Variants in GRIN2A observed in about 807,000 individuals in gnomAD.
The protein encoded by GRIN2A is glutamate receptor ionotropic, NMDA 2A.
GRIN2A carries 22 observed loss-of-function variants against 113.4 expected under a neutral mutation model. The ratio of observed to expected loss-of-function variants is 0.19; its 90% CI spans 0.14 to 0.28. The LOEUF (loss-of-function observed/expected upper bound fraction) is 0.28. GRIN2A is among the 10% of genes least tolerant of loss of function. The pLI is 1.00. For missense variants in GRIN2A, 1,502 were observed against 1,887.0 expected (o/e 0.80, Z 3.78); for synonymous variants, 827 against 738.4 (o/e 1.12, Z -1.94).
intron 2 of GRIN2A, among the ~76,000 whole-genome samples, chr16:9,958,501 G>A (rs1444389525): frequency 6.6e-6 from 1 of 152,008 alleles, no homozygotes; most frequent in Non-Finnish European, 1.5e-5. Flanking sequence ...TGTTCCCACG[G>A]ATTTTATCTG....
chr16:9,850,427 T>C (rs2042862872), intron 4 of GRIN2A, among the ~76,000 whole-genome samples: 1 of 152,122 alleles, frequency 6.6e-6, no homozygotes, highest in African/African-American at 2.4e-5. Flanking sequence ...TTCCTAAGGA[T>C]GCCATGGGAA....
rs544224214 is a variant in GRIN2A, at chr16:9,906,351, G to A, written c.1008-15251C>T. Among the ~76,000 whole-genome samples the A allele has an allele frequency of 1.5e-3, 222 of 152,256 alleles. 7 individuals are homozygous for A. The South Asian group carries it at 0.045, about 31-fold the overall frequency. ...TCATGGTATCCCAGTAAAGTCTTGT[G>A]ATTTTCCACTTCTTAGCTTTTGTTC... On this transcript the variant is annotated intron_variant, in intron 3 of 12. Transcript: ENST00000330684.
intron 4 of GRIN2A, among the ~76,000 whole-genome samples, chr16:9,890,290 A>G (rs2043668504): frequency 6.6e-6 from 1 of 152,216 alleles, no homozygotes; most frequent in Non-Finnish European, 1.5e-5. Flanking sequence ...TAAGCATTTA[A>G]TTATGGAGGA....
intron 10 of GRIN2A, among the ~76,000 whole-genome samples, chr16:9,807,468 T>C (rs1197133874): frequency 6.6e-6 from 1 of 150,702 alleles, no homozygotes; most frequent in Non-Finnish European, 1.5e-5. Flanking sequence ...AGAGAAAGAA[T>C]ACCCAAGAGA....
intron 10 of GRIN2A, among the ~76,000 whole-genome samples, chr16:9,802,328 A>G (rs536977676): frequency 5.3e-5 from 8 of 152,350 alleles, no homozygotes; most frequent in African/African-American, 1.7e-4. Context: ...AAAATATGGT[A>G]CATATACACC....
At chr16:10,158,220 G>C (rs2049742553) in intron 2 of GRIN2A, among the ~76,000 whole-genome samples, 2 of 152,136 alleles carry the variant, frequency 1.3e-5, no homozygotes, top group South Asian at 4.1e-4. Context: ...GCCGAGGCTA[G>C]TCCCAGACTC....
intron 9 of GRIN2A, among the ~76,000 whole-genome samples, chr16:9,824,043 T>A (rs929679966): frequency 1.3e-5 from 2 of 152,136 alleles, no homozygotes; most frequent in African/African-American, 4.8e-5. Context: ...CTAGAAACAT[T>A]ATTCTTTTTT....
At chr16:10,079,305 A>G (rs2047936087) in intron 2 of GRIN2A, among the ~76,000 whole-genome samples, 1 of 152,196 alleles carries the variant, frequency 6.6e-6, no homozygotes. Flanking sequence ...ATAGGAGAGA[A>G]CTGACTGGGT....
chr16:9,871,496 T>C (rs1226108579), intron 4 of GRIN2A, among the ~76,000 whole-genome samples: 1 of 151,992 alleles, frequency 6.6e-6, no homozygotes, highest in Non-Finnish European at 1.5e-5. Context: ...GTCTAGAGTC[T>C]AGATTGCACT....
At chr16:9,991,312 C>G (rs2046108363) in intron 2 of GRIN2A, among the ~76,000 whole-genome samples, 1 of 152,174 alleles carries the variant, frequency 6.6e-6, no homozygotes, top group Admixed American at 6.5e-5. Context: ...AGAACCAGTT[C>G]AATCTTGGTC....
rs112240027 is a variant in GRIN2A, at chr16:9,974,882, T to C, written c.415-36331A>G. Reference sequence around the variant, plus strand: ...CTAGGACTTCCAGTACTATGCTGAATAGAAGTGGTGAGATTGAACATCTTT... The same window carrying C: ...CTAGGACTTCCAGTACTATGCTGAACAGAAGTGGTGAGATTGAACATCTTT... On this transcript the variant is annotated intron_variant, in intron 2 of 12. Coordinates refer to ENST00000330684, the MANE Select transcript of GRIN2A (RefSeq NM_001134407.3). Among the ~76,000 whole-genome samples the C allele has an allele frequency of 8.7e-4, 133 of 152,308 alleles. 1 individual carries two copies. The highest frequency in any genetic ancestry group is 1.6e-3 in the Non-Finnish European group (108 of 68,024).
chr16:9,977,670 T>C (rs72772164), intron 2 of GRIN2A, among the ~76,000 whole-genome samples: 13,011 of 152,042 alleles, frequency 0.086, 662 homozygotes, highest in Non-Finnish European at 0.1. Context: ...CCAGTACATA[T>C]ATAAAAGTGT....
chr16:9,978,254 C>T (rs752401831), intron 2 of GRIN2A, among the ~76,000 whole-genome samples: 3 of 152,184 alleles, frequency 2.0e-5, no homozygotes, highest in Non-Finnish European at 4.4e-5. Flanking sequence ...AAAGTATCCA[C>T]GGAGAAGCTA....
chr16:9,932,786 C>G (rs548389749), intron 3 of GRIN2A, among the ~76,000 whole-genome samples: 48 of 152,248 alleles, frequency 3.2e-4, no homozygotes, highest in Admixed American at 9.2e-4. Flanking sequence ...TTTCTTGTCC[C>G]CATATTACAC....
intron 2 of GRIN2A, among the ~76,000 whole-genome samples, chr16:10,117,608 C>A (rs1473892498): frequency 1.3e-5 from 2 of 152,110 alleles, no homozygotes; most frequent in Non-Finnish European, 2.9e-5. Context: ...GATAACCATC[C>A]CCGAACTGTT....
Position 9,965,917 on chromosome 16 carries a change from T to A in GRIN2A, c.415-27366A>T, listed in dbSNP as rs930788123. Among the ~76,000 whole-genome samples the A allele has an allele frequency of 3.3e-4, 50 of 152,228 alleles. 1 individual carries two copies. The highest frequency in any genetic ancestry group is 1.2e-4 in the Non-Finnish European group (8 of 68,042). Reference sequence around the variant, plus strand: ...GGTTTGCCAAGCCTAAAATATTGACTATCTGGGCTTTTAAATAAAACACTT... The same window carrying A: ...GGTTTGCCAAGCCTAAAATATTGACAATCTGGGCTTTTAAATAAAACACTT... On this transcript the variant is annotated intron_variant, in intron 2 of 12. Coordinates refer to ENST00000330684, the MANE Select transcript of GRIN2A (RefSeq NM_001134407.3).
chr16:10,132,263 C>T (rs1036251759), intron 2 of GRIN2A, among the ~76,000 whole-genome samples: 2 of 146,676 alleles, frequency 1.4e-5, no homozygotes, highest in Admixed American at 7.2e-5. Flanking sequence ...ACCCGGGAGG[C>T]AGAGGTTGCA....
At chr16:9,773,193 G>A (rs1206157487) in intron 11 of GRIN2A, among the ~76,000 whole-genome samples, 3 of 152,144 alleles carry the variant, frequency 2.0e-5, no homozygotes, top group African/African-American at 4.8e-5. Flanking sequence ...TTCTGTTTCT[G>A]TTTCTTTTCT....
intron 4 of GRIN2A, among the ~76,000 whole-genome samples, chr16:9,854,556 G>A (rs2042936838): frequency 6.6e-6 from 1 of 152,084 alleles, no homozygotes; most frequent in African/African-American, 2.4e-5. Flanking sequence ...ATCCAAAATG[G>A]AAGGACCCTG....
Sources: allele counts gnomAD v4.1 joint callset (sites outside exome capture counted in the v4.1 genomes callset), GRCh38; gene constraint gnomAD v4.1.1; transcripts MANE v1.5; gene names NCBI Gene and HGNC (gene_info 2026-07-23, HGNC 2026-07-21).